TLE6: variants seen among roughly 807,000 people sequenced by gnomAD.
TLE6 encodes transducin-like enhancer protein 6.
In TLE6, 72 loss-of-function variants were observed where a neutral mutation model predicts 77.1. The ratio of observed to expected loss-of-function variants is 0.93; its 90% CI spans 0.77 to 1.14. The LOEUF is 1.14. Among genes scored for constraint, TLE6 ranks in the 50% most tolerant of loss-of-function variants. The pLI, the probability that TLE6 is intolerant of heterozygous loss-of-function variation, is 0.00. For synonymous variants in TLE6, 366 were observed against 287.3 expected, an observed-to-expected ratio of 1.27 and a Z score of -2.77; for missense variants, 843 against 747.6, an observed-to-expected ratio of 1.13 and a Z score of -1.49.
At chr19:2,992,318 C>G (rs181626316) in intron 14 of TLE6, among the ~76,000 whole-genome samples, 25 of 152,112 alleles carry the variant, frequency 1.6e-4, no homozygotes, top group African/African-American at 5.3e-4. Context: ...ACTAAAAATA[C>G]AAAATTGGCC....
Position 2,989,792 on chromosome 19 carries a change from T to C in TLE6, c.1244+7T>C. 6.2e-7 allele frequency: 1 copy of C among 1,609,012 alleles called. No individual in the cohort carries two copies. The highest frequency in any genetic ancestry group is 8.5e-7 in the Non-Finnish European group (1 of 1,176,330). On this transcript the variant is annotated splice_region_variant and intron_variant, in intron 13 of 16. Coordinates refer to ENST00000246112, the MANE Select transcript of TLE6 (RefSeq NM_001143986.2). ...GGGATCAGAGTGTGGTCAGGTGCGTTTGGGGGGTGGGAAGGGGAAGCATCC... is the reference window on the plus strand; with the variant it reads ...GGGATCAGAGTGTGGTCAGGTGCGTCTGGGGGGTGGGAAGGGGAAGCATCC...
chr19:2,979,254 G>A (rs1462872723), intron 2 of TLE6, among the ~76,000 whole-genome samples: 3 of 149,438 alleles, frequency 2.0e-5, no homozygotes, highest in Non-Finnish European at 4.4e-5. Flanking sequence ...ACTTGGCCAA[G>A]AGACTTTATT....
In TLE6 at chr19:2,989,135, C is replaced by T. The variant is rs374523528; in HGVS notation, c.815C>T (p.Ala272Val). 1.9e-6 allele frequency: 3 copies of T among 1,614,154 alleles called. No homozygotes were observed. Among genetic ancestry groups the T allele is most frequent in the Non-Finnish European group, 2.5e-6 (3 of 1,180,050 alleles). ...TTGCCCGGGCAGTCAAAGAGACTCG[C>T]CGTCCCGTGCAAACTGGAAAAGATG... is the stretch of plus-strand genomic sequence containing the variant. ...DALPGQSKRL[A>V]VPCKLEKMRI... Residue 272 changes from alanine (A) to valine (V), a missense_variant, in exon 12 of 17, where the codon GCC becomes GTC. Physicochemically the swap from Ala to Val is moderately conservative, Grantham distance 64. Transcript: ENST00000246112.
Position 2,981,560 on chromosome 19 carries a change from G to T in TLE6, c.157G>T (p.Glu53Ter). ...CAGGTTTTCTCCTCATTTTGCTGCG[G>T]AGTTGGAGAGCATTTACTACTCGGT... is the stretch of plus-strand genomic sequence containing the variant. ...FPRFSPHFAA[E>*]LESIYYSLHK... is the part of the protein sequence containing the mutation. Residue 53 changes from glutamate to a stop codon, truncating the protein, a stop_gained, in exon 4 of 17, where the codon GAG (glutamate) becomes TAG (stop). Transcript: ENST00000246112. LOFTEE classifies it high-confidence loss of function. 1 of 1,551,584 alleles carries T rather than the reference G, an allele frequency of 6.4e-7. No homozygotes were observed. Among genetic ancestry groups the T allele is most frequent in the Non-Finnish European group, 8.7e-7 (1 of 1,146,976 alleles).
intron 5 of TLE6, 57 bp downstream of exon 5, chr19:2,982,246 C>T: frequency 6.5e-7 from 1 of 1,538,664 alleles, no homozygotes; most frequent in Non-Finnish European, 8.8e-7. Flanking sequence ...CATGAGAAAG[C>T]ACAGAGGGGG....
rs970576147 is a variant in TLE6, at chr19:2,988,957, C to T, written c.741-104C>T. 14 of 1,519,534 alleles carry T rather than the reference C, an allele frequency of 9.2e-6. No individual in the cohort carries two copies. In the Admixed American group the frequency reaches 2.5e-4, roughly 27 times the overall value. The allele number at this position is 1,519,534 out of a possible 1,614,324, so 94.1% of individuals were successfully genotyped here. Reference sequence around the variant, plus strand: ...GGTAAAACAAGGCCTGAGAGAGGGACCCCAAAATCTGAAAAAGAAGCCCCT... The same window carrying T: ...GGTAAAACAAGGCCTGAGAGAGGGATCCCAAAATCTGAAAAAGAAGCCCCT... On this transcript the variant is annotated intron_variant, in intron 11 of 16. Coordinates refer to ENST00000246112, the MANE Select transcript of TLE6 (RefSeq NM_001143986.2).
intron 10 of TLE6, 46 bp downstream of exon 10, chr19:2,988,020 G>A: frequency 6.3e-7 from 1 of 1,585,942 alleles, no homozygotes; most frequent in Non-Finnish European, 8.6e-7. Flanking sequence ...AGGCTGCCCA[G>A]GGTGGGGTAG....
chr19:2,984,922 G>C (rs1012570015), intron 5 of TLE6, among the ~76,000 whole-genome samples: 5 of 152,118 alleles, frequency 3.3e-5, no homozygotes, highest in African/African-American at 1.2e-4. Context: ...ACAGTGGTCA[G>C]ATGGCTTGAT....
intron 5 of TLE6, among the ~76,000 whole-genome samples, chr19:2,986,027 TCA>T (rs2088901147): frequency 8.5e-6 from 1 of 117,140 alleles, no homozygotes; most frequent in African/African-American, 3.4e-5. Context: ...TGAGCCGAGA[TCA>T]CATCACTGCA....
chr19:2,978,586 T>TA (rs759075421), intron 2 of TLE6, among the ~76,000 whole-genome samples: 53 of 151,992 alleles, frequency 3.5e-4, no homozygotes, highest in African/African-American at 1.3e-3. Context: ...CCTGTCTCTG[T>TA]AAAAAATAAA....
intron 5 of TLE6, among the ~76,000 whole-genome samples, chr19:2,984,924 T>C (rs567433578): frequency 1.3e-5 from 2 of 152,286 alleles, no homozygotes; most frequent in Non-Finnish European, 2.9e-5. Context: ...AGTGGTCAGA[T>C]GGCTTGATTT....
intron 3 of TLE6, among the ~76,000 whole-genome samples, chr19:2,981,106 C>T (rs1304225816): frequency 6.6e-6 from 1 of 151,672 alleles, no homozygotes; most frequent in Non-Finnish European, 1.5e-5. Context: ...CTGTTGTAAT[C>T]CCAGCACTTT....
chr19:2,994,817 G>A lies in TLE6; in HGVS notation c.1615-83G>A, dbSNP rs1326100006. 22 of 746,270 alleles carry A rather than the reference G, an allele frequency of 2.9e-5. No individual in the cohort carries two copies. In the Middle Eastern group the frequency reaches 1.2e-3, roughly 41 times the overall value. 46.2% of individuals were successfully genotyped at this position (746,270 alleles called of 1,614,324 possible). ...AGACCCTGTCTTTCTTTGAAGAGACGATGCTTCATGCTTGAGCTGACAGGT... is the reference window on the plus strand; with the variant it reads ...AGACCCTGTCTTTCTTTGAAGAGACAATGCTTCATGCTTGAGCTGACAGGT... On this transcript the variant is annotated intron_variant, in intron 16 of 16. Transcript: ENST00000246112.
At position 2,981,520 on chromosome 19, in the gene TLE6, G is replaced by A; in HGVS notation, c.135-18G>A. 1 of 1,551,508 alleles carries A rather than the reference G, an allele frequency of 6.4e-7. No homozygotes were observed. Among genetic ancestry groups the A allele is most frequent in the Non-Finnish European group, 8.7e-7 (1 of 1,146,898 alleles). On this transcript the variant is annotated intron_variant, in intron 3 of 16. Transcript: ENST00000246112. ...CCTGAAGCCACAGGTCTTCCAGCCT[G>A]TCCTCCTTCCCCCTCAGGTTTTCTC...
intron 13 of TLE6, 46 bp downstream of exon 13, chr19:2,989,831 T>C (rs1237824823): frequency 9.4e-6 from 15 of 1,602,356 alleles, no homozygotes; most frequent in Non-Finnish European, 1.0e-5. Context: ...GCCAGCCTCC[T>C]GTGGCCACCT....
chr19:2,994,203 TG>T, intron 16 of TLE6, 108 bp downstream of exon 16: 1 of 898,810 alleles, frequency 1.1e-6, no homozygotes, highest in Non-Finnish European at 1.7e-6. Context: ...TAGCCAGGTG[TG>T]GTGGCTCACG....
Position 2,993,578 on chromosome 19 carries a change from C to CA in TLE6, c.1533_1534insA (p.Phe512IlefsTer30). The CA allele has an allele frequency of 6.4e-7, 1 of 1,557,656 alleles. No homozygotes were observed. The highest frequency in any genetic ancestry group is 8.7e-7 in the Non-Finnish European group (1 of 1,146,306). ...TCATCCTGAGCGTCAAGTTCTCCCCCTTTGGTAAGCGGCTGGCGGAAGATG... is the reference window on the plus strand; with the variant it reads ...TCATCCTGAGCGTCAAGTTCTCCCCCATTTGGTAAGCGGCTGGCGGAAGATG... On this transcript the variant is annotated frameshift_variant, in exon 15 of 17. Coordinates refer to ENST00000246112, the MANE Select transcript of TLE6 (RefSeq NM_001143986.2). LOFTEE classifies it high-confidence loss of function.
chr19:2,978,407 G>A, intron 2 of TLE6, 123 bp downstream of exon 2: 1 of 941,908 alleles, frequency 1.1e-6, no homozygotes, highest in Non-Finnish European at 1.6e-6. Context: ...GACAATACTG[G>A]TCGCTGCTAC....
Position 2,989,281 on chromosome 19 carries a change from G to A in TLE6, c.961G>A (p.Asp321Asn), listed in dbSNP as rs751133154. ...VWSLTGQVAE[D>N]RFPESHLPIQ... ...GAGCCTGACTGGACAGGTGGCTGAG[G>A]ACAGGTTCCCTGAGAGCCACCTGCC... is the stretch of plus-strand genomic sequence containing the variant. The change falls in exon 12 of 17, where the codon GAC becomes AAC. Residue 321 changes from aspartate to asparagine, a missense_variant. By Grantham distance (23) the Asp-to-Asn change is conservative. Transcript: ENST00000246112. 4.0e-5 allele frequency: 65 copies of A among 1,613,432 alleles called. 2 individuals are homozygous for A. The South Asian group carries it at 6.7e-4, about 17-fold the overall frequency.
Sources: gnomAD v4.1 joint callset for allele counts (sites outside exome capture counted in the v4.1 genomes callset) on GRCh38, gnomAD v4.1.1 for gene constraint, MANE v1.5 for transcripts, NCBI Gene and HGNC (gene_info 2026-07-23, HGNC 2026-07-21) for gene names.